DLGAP2: variants seen among roughly 807,000 people sequenced by gnomAD.
The protein encoded by DLGAP2 is disks large-associated protein 2.
DLGAP2 carries 26 observed loss-of-function variants against 100.3 expected under a neutral mutation model. That is an observed-to-expected ratio of 0.26 (90% CI 0.19 to 0.36). DLGAP2 has a LOEUF of 0.36. Ranked by LOEUF, DLGAP2 falls within the 10% of genes least tolerant of loss-of-function variation. The pLI, the probability that DLGAP2 is intolerant of heterozygous loss-of-function variation, is 1.00. For synonymous variants in DLGAP2, 886 were observed against 630.1 expected, an observed-to-expected ratio of 1.41 and a Z score of -6.08; for missense variants, 1,858 against 1,453.2, an observed-to-expected ratio of 1.28 and a Z score of -4.53.
At chr8:828,650 TTAAAG>T (rs1796726166) in intron 1 of DLGAP2, among the ~76,000 whole-genome samples, 1 of 152,186 alleles carries the variant, frequency 6.6e-6, no homozygotes, top group Non-Finnish European at 1.5e-5. Context: ...GATTAAGAGA[TTAAAG>T]TAAAGACAGG....
intron 3 of DLGAP2, among the ~76,000 whole-genome samples, chr8:1,359,263 C>T (rs1379600873): frequency 6.6e-6 from 1 of 152,200 alleles, no homozygotes; most frequent in Non-Finnish European, 1.5e-5. Context: ...TCCTCGCTGC[C>T]CTCCCTGCTG....
intron 2 of DLGAP2, among the ~76,000 whole-genome samples, chr8:1,067,604 C>CACGT (rs530004779): frequency 7.1e-6 from 1 of 140,304 alleles, no homozygotes; most frequent in Non-Finnish European, 1.5e-5. Context: ...GGTTGAGTGA[C>CACGT]GTGTGTGTGT....
At chr8:1,639,472 A>T (rs901730254) in intron 8 of DLGAP2, among the ~76,000 whole-genome samples, 1 of 152,170 alleles carries the variant, frequency 6.6e-6, no homozygotes, top group Non-Finnish European at 1.5e-5. Context: ...GCCACCCCCG[A>T]CCCAGGGTAA....
intron 2 of DLGAP2, among the ~76,000 whole-genome samples, chr8:1,182,947 C>T (rs780634211): frequency 4.6e-5 from 7 of 152,224 alleles, no homozygotes; most frequent in South Asian, 2.1e-4. Flanking sequence ...GTGGGAGACG[C>T]GCACCATGGA....
At chr8:1,142,950 C>T (rs1796546627) in intron 2 of DLGAP2, among the ~76,000 whole-genome samples, 1 of 151,568 alleles carries the variant, frequency 6.6e-6, no homozygotes, top group Non-Finnish European at 1.5e-5. Context: ...GTCATGTTCT[C>T]ATAGAGACTT....
chr8:918,756 A>T (rs1391462407), intron 2 of DLGAP2, among the ~76,000 whole-genome samples: 1 of 152,248 alleles, frequency 6.6e-6, no homozygotes, highest in African/African-American at 2.4e-5. Flanking sequence ...CTTTTTAGAC[A>T]TAGAGGCACG....
chr8:1,510,434 T>C (rs892927744), intron 4 of DLGAP2, among the ~76,000 whole-genome samples: 2 of 152,172 alleles, frequency 1.3e-5, no homozygotes, highest in Non-Finnish European at 2.9e-5. Context: ...CGTCATCAGT[T>C]TGTGATGCCT....
chr8:946,432 T>A (rs1292599401), intron 2 of DLGAP2, among the ~76,000 whole-genome samples: 1 of 151,892 alleles, frequency 6.6e-6, no homozygotes, highest in Non-Finnish European at 1.5e-5. Context: ...CCCGGCTAAT[T>A]TTTTGTAGTT....
chr8:1,425,875 G>A (rs557523843), intron 3 of DLGAP2, among the ~76,000 whole-genome samples: 2 of 152,300 alleles, frequency 1.3e-5, no homozygotes, highest in African/African-American at 2.4e-5. Context: ...AATGCGGACT[G>A]GAGCTTGGTG....
chr8:1,569,326 C>G (rs921780498), intron 6 of DLGAP2, among the ~76,000 whole-genome samples: 1 of 152,226 alleles, frequency 6.6e-6, no homozygotes, highest in Non-Finnish European at 1.5e-5. Flanking sequence ...TATACGTGCC[C>G]CAATCATTCT....
At chr8:1,028,188 G>A (rs1489575351) in intron 2 of DLGAP2, among the ~76,000 whole-genome samples, 2 of 144,966 alleles carry the variant, frequency 1.4e-5, no homozygotes, top group East Asian at 4.2e-4. Flanking sequence ...TCCAGTTGGG[G>A]TGCCAGGCGC....
At chr8:1,684,922 C>T (rs1022558983) in intron 12 of DLGAP2, among the ~76,000 whole-genome samples, 3 of 152,138 alleles carry the variant, frequency 2.0e-5, no homozygotes, top group Non-Finnish European at 2.9e-5. Flanking sequence ...CGGAAACTTC[C>T]TTGCCCCAAA....
chr8:815,674 A>T (rs777663318), intron 1 of DLGAP2, among the ~76,000 whole-genome samples: 1 of 152,216 alleles, frequency 6.6e-6, no homozygotes, highest in Non-Finnish European at 1.5e-5. Context: ...CTAGAAGAAG[A>T]TATTTATTGA....
At chr8:1,655,978 G>A (rs1265861435) in intron 8 of DLGAP2, among the ~76,000 whole-genome samples, 6 of 152,360 alleles carry the variant, frequency 3.9e-5, no homozygotes, top group Middle Eastern at 3.4e-3. Context: ...GACACACAGC[G>A]TGTGCCGCAG....
intron 8 of DLGAP2, among the ~76,000 whole-genome samples, chr8:1,644,703 A>G (rs1007761593): frequency 5.9e-5 from 9 of 152,242 alleles, no homozygotes; most frequent in Non-Finnish European, 1.3e-4. Context: ...ACATAAAAAC[A>G]TTAGATGCCA....
At chr8:955,931 C>G (rs555900291) in intron 2 of DLGAP2, among the ~76,000 whole-genome samples, 7 of 152,274 alleles carry the variant, frequency 4.6e-5, no homozygotes, top group Admixed American at 6.5e-5. Flanking sequence ...GACAGCAGCC[C>G]AGACCGCCCA....
At chr8:761,581 C>T (rs574654583) in intron 1 of DLGAP2, among the ~76,000 whole-genome samples, 106 of 152,330 alleles carry the variant, frequency 7.0e-4, no homozygotes, top group African/African-American at 2.5e-3. Context: ...GGATCCTGGC[C>T]GGGATGGGCA....
At chr8:778,665 TC>T (rs1353830465) in intron 1 of DLGAP2, among the ~76,000 whole-genome samples, 1 of 152,182 alleles carries the variant, frequency 6.6e-6, no homozygotes, top group Non-Finnish European at 1.5e-5. Flanking sequence ...GGGTCAGGGG[TC>T]AGGCACCCAC....
chr8:1,689,140 T>G (rs950606299), intron 12 of DLGAP2, among the ~76,000 whole-genome samples: 3 of 152,220 alleles, frequency 2.0e-5, no homozygotes, highest in Non-Finnish European at 4.4e-5. Flanking sequence ...TTGGGTTCAC[T>G]TCCCTGGACC....
Sources: gnomAD v4.1 joint callset for allele counts (sites outside exome capture counted in the v4.1 genomes callset) on GRCh38, gnomAD v4.1.1 for gene constraint, MANE v1.5 for transcripts, NCBI Gene and HGNC (gene_info 2026-07-23, HGNC 2026-07-21) for gene names.